F8: variants seen among roughly 807,000 people sequenced by gnomAD.
F8 encodes the protein coagulation factor VIII.
F8 carries 12 observed loss-of-function variants against 140.6 expected under a neutral mutation model. That is an observed-to-expected ratio of 0.09 (90% CI 0.05 to 0.14). The LOEUF is 0.14. Ranked by LOEUF, F8 falls within the 10% of genes least tolerant of loss-of-function variation. The pLI is 1.00. For missense variants in F8, 1,354 were observed against 1,720.7 expected (o/e 0.79, Z 3.77); for synonymous variants, 585 against 614.6 (o/e 0.95, Z 0.71).
intron 7 of F8, among the ~76,000 whole-genome samples, chrX:154,968,496 G>C (rs1557282248): frequency 8.9e-6 from 1 of 111,947 alleles, no homozygotes; most frequent in African/African-American, 3.2e-5. Context: ...TAGAGAAAGA[G>C]GGTTATTAGG....
At chrX:154,961,234 T>A in intron 9 of F8, 66 bp from the exon 10 acceptor site, 1 of 719,026 alleles carries the variant, frequency 1.4e-6, no homozygotes, top group Non-Finnish European at 2.2e-6. Context: ...AAAACTGTGG[T>A]CTAACTCCAG....
chrX:154,903,334 A>T (rs192907405), intron 18 of F8, among the ~76,000 whole-genome samples: 1 of 110,808 alleles, frequency 9.0e-6, no homozygotes, highest in East Asian at 2.8e-4. Flanking sequence ...ACAGGTATAT[A>T]CCACATGTCT....
chrX:154,847,116 C>G (rs1246154771), intron 25 of F8, among the ~76,000 whole-genome samples: 1 of 112,236 alleles, frequency 8.9e-6, no homozygotes, highest in Non-Finnish European at 1.9e-5. Flanking sequence ...TTGGCCCCCA[C>G]TCTCTTCTGG....
intron 13 of F8, among the ~76,000 whole-genome samples, chrX:154,937,159 A>C (rs1735101021): frequency 9.0e-6 from 1 of 111,581 alleles, no homozygotes; most frequent in Admixed American, 9.5e-5. Context: ...AATCTCAAGA[A>C]GTCAAGAAGA....
At chrX:154,849,461 CT>C (rs782727629) in intron 25 of F8, among the ~76,000 whole-genome samples, 54 of 86,567 alleles carry the variant, frequency 6.2e-4, no homozygotes, top group African/African-American at 8.5e-4. Flanking sequence ...TTTACTTTTG[CT>C]TTTTTTTTTT....
In F8 at chrX:154,929,231, T is replaced by C; in HGVS notation, c.4559A>G (p.Tyr1520Cys). The C allele has an allele frequency of 8.3e-7, 1 of 1,211,954 alleles. No individual in the cohort carries two copies. The highest frequency in any genetic ancestry group is 1.1e-6 in the Non-Finnish European group (1 of 895,566). Residue 1520 changes from tyrosine (Y) to cysteine (C), a missense_variant, in exon 14 of 26, where the codon TAT becomes TGT. Physicochemically the swap from Tyr to Cys is radical, Grantham distance 194 (BLOSUM62 -2). Transcript: ENST00000360256. ...KVELLPKVHI[Y>C]QKDLFPTETS... Reference sequence around the variant, plus strand: ...TTCCGTAGGGAATAGGTCCTTCTGATAAATGTGAACTTTTGGAAGCAATTC... The same window carrying C: ...TTCCGTAGGGAATAGGTCCTTCTGACAAATGTGAACTTTTGGAAGCAATTC...
At chrX:154,991,628 A>G (rs1276289297) in intron 4 of F8, among the ~76,000 whole-genome samples, 3 of 111,920 alleles carry the variant, frequency 2.7e-5, no homozygotes, top group Non-Finnish European at 5.6e-5. Context: ...GTAAACACTA[A>G]TGTTTTGATG....
chrX:154,894,912 T>C (rs1414264379), intron 22 of F8, among the ~76,000 whole-genome samples: 1 of 111,582 alleles, frequency 9.0e-6, no homozygotes, highest in Non-Finnish European at 1.9e-5. Context: ...AGCACCCAGC[T>C]GTTAAATAAT....
At chrX:155,004,039 TC>T (rs2073663794) in intron 1 of F8, among the ~76,000 whole-genome samples, 1 of 108,244 alleles carries the variant, frequency 9.2e-6, no homozygotes, top group African/African-American at 3.4e-5. Context: ...CATATTATAT[TC>T]AAACTCCAGA....
At chrX:154,988,341 C>T (rs1413254125) in intron 4 of F8, among the ~76,000 whole-genome samples, 2 of 111,901 alleles carry the variant, frequency 1.8e-5, no homozygotes, top group East Asian at 2.8e-4. Flanking sequence ...TTGACTTAAC[C>T]TTTCATGTCT....
intron 7 of F8, among the ~76,000 whole-genome samples, chrX:154,968,017 T>C (rs1441910355): frequency 1.8e-5 from 2 of 111,764 alleles, no homozygotes; most frequent in East Asian, 5.6e-4. Context: ...ATGAGAGTAA[T>C]AGGAAGAAAG....
chrX:155,022,339 C>T lies in F8; in HGVS notation c.143+71G>A. On this transcript the variant is annotated intron_variant, in intron 1 of 25. Coordinates refer to ENST00000360256, the MANE Select transcript of F8 (RefSeq NM_000132.4). ...CACAACCATCCTAACCCGATGTCTG[C>T]ACCTTCCTCCAAGCAGACTTACATC... The T allele has an allele frequency of 1.8e-6, 2 of 1,092,452 alleles. 1 individual carries two copies. Among genetic ancestry groups the T allele is most frequent in the South Asian group, 3.7e-5 (2 of 54,484 alleles). 90.0% of individuals were successfully genotyped at this position (1,092,452 alleles called of 1,213,427 possible).
At chrX:154,876,927 G>C (rs955333626) in intron 22 of F8, among the ~76,000 whole-genome samples, 17 of 111,883 alleles carry the variant, frequency 1.5e-4, no homozygotes, top group African/African-American at 5.5e-4. Context: ...TCTTTGATTT[G>C]AGATAGGTCT....
At chrX:154,878,841 G>A (rs2148575858) in intron 22 of F8, among the ~76,000 whole-genome samples, 1 of 111,865 alleles carries the variant, frequency 8.9e-6, no homozygotes, top group African/African-American at 3.2e-5. Flanking sequence ...CACTAGCAAT[G>A]AACAATCTGA....
At chrX:154,954,114 G>A in intron 11 of F8, 72 bp from the exon 12 acceptor site, 1 of 994,974 alleles carries the variant, frequency 1.0e-6, no homozygotes, top group Admixed American at 2.2e-5. Context: ...AGCAGTCTAT[G>A]ATGAAAGCGA....
intron 25 of F8, among the ~76,000 whole-genome samples, chrX:154,851,203 T>C (rs1241234382): frequency 8.9e-6 from 1 of 112,655 alleles, no homozygotes; most frequent in African/African-American, 3.2e-5. Flanking sequence ...GGAGCATCCA[T>C]GTTTTAGCAT....
intron 22 of F8, among the ~76,000 whole-genome samples, chrX:154,878,936 G>A (rs1557274252): frequency 2.7e-5 from 3 of 112,231 alleles, no homozygotes; most frequent in Non-Finnish European, 3.8e-5. Context: ...CAGCTAAGGA[G>A]GTAAAAGACT....
intron 21 of F8, chrX:154,898,116 C>G (rs2072991940): frequency 8.9e-6 from 1 of 111,888 alleles, no homozygotes; most frequent in Admixed American, 9.5e-5. Context: ...GCTGACTTCC[C>G]CCTGTGCATT....
chrX:154,850,117 G>A (rs868984633), intron 25 of F8, among the ~76,000 whole-genome samples: 2 of 102,190 alleles, frequency 2.0e-5, no homozygotes, highest in Admixed American at 2.2e-4. Flanking sequence ...GTGTGTGTGT[G>A]TGTATTTTTT....
Sources: allele counts gnomAD v4.1 joint callset (sites outside exome capture counted in the v4.1 genomes callset), GRCh38; gene constraint gnomAD v4.1.1; transcripts MANE v1.5; gene names NCBI Gene and HGNC (gene_info 2026-07-23, HGNC 2026-07-21).